The following MGAM2 variants were observed in gnomAD, a reference collection of about 807,000 sequenced individuals.
MGAM2 encodes the protein probable maltase-glucoamylase 2.
A neutral mutation model predicts 96.1 loss-of-function variants in MGAM2; 98 were observed. That is an observed-to-expected ratio of 1.02 (90% CI 0.87 to 1.21). The LOEUF is 1.21. Ranked by LOEUF, MGAM2 falls within the 50% of genes most tolerant of loss-of-function variation. The probability of loss-of-function intolerance (pLI) is 0.00; values close to 1 mark genes in which losing one functional copy is unlikely to be tolerated. For missense variants in MGAM2, 2,055 were observed against 1,182.4 expected (o/e 1.74, Z -10.82); for synonymous variants, 749 against 414.8 (o/e 1.81, Z -9.79).
At chr7:142,213,389 T>C (rs1235095003) in intron 46 of MGAM2, among the ~76,000 whole-genome samples, 3 of 152,092 alleles carry the variant, frequency 2.0e-5, no homozygotes, top group Admixed American at 1.3e-4. Flanking sequence ...CAGGAGCTGG[T>C]TTTTTGAAAT....
Position 142,221,356 on chromosome 7 carries a change from G to A in MGAM2, c.6845G>A (p.Ser2282Asn), listed in dbSNP as rs1563304421. The change falls in exon 48 of 48, where the codon AGT (serine) becomes AAT (asparagine). Residue 2282 changes from serine (S) to asparagine (N), a missense_variant. Physicochemically the swap from Ser to Asn is conservative, Grantham distance 46. Coordinates refer to ENST00000477922, the MANE Select transcript of MGAM2 (RefSeq NM_001293626.2). The stretch of plus-strand genomic sequence containing the variant: ...CCAAGTACTGATGCTACTACTACAA[G>A]TAATAATACTAATCCTGGCATGACT... Reference protein sequence around the residue: ...PSPSTDATTTSNNTNPGMTTY... With the variant: ...PSPSTDATTTNNNTNPGMTTY... 1.6e-6 allele frequency: 1 copy of A among 620,866 alleles called. No individual in the cohort carries two copies. Among genetic ancestry groups the A allele is most frequent in the Non-Finnish European group, 2.9e-6 (1 of 347,790 alleles). The allele number at this position is 620,866 out of a possible 1,614,324, so 38.5% of individuals were successfully genotyped here.
At chr7:142,201,886 A>T (rs1217331527) in intron 45 of MGAM2, among the ~76,000 whole-genome samples, 1 of 152,226 alleles carries the variant, frequency 6.6e-6, no homozygotes, top group Non-Finnish European at 1.5e-5. Context: ...TTAATGGTCA[A>T]AAAATGAAAC....
intron 1 of MGAM2, among the ~76,000 whole-genome samples, chr7:142,115,938 AGTG>A (rs1817381356): frequency 6.6e-6 from 1 of 152,240 alleles, no homozygotes; most frequent in South Asian, 2.1e-4. Context: ...CAATTTCAAA[AGTG>A]TAACAGTTCT....
intron 46 of MGAM2, among the ~76,000 whole-genome samples, chr7:142,216,925 G>A (rs997214917): frequency 1.3e-5 from 2 of 152,028 alleles, no homozygotes; most frequent in African/African-American, 4.8e-5. Context: ...CTGGCCTCAC[G>A]TCTCTGTTTG....
At position 142,142,198 on chromosome 7, in the gene MGAM2, A is replaced by G. The variant is rs182063333; in HGVS notation, c.1317+1079A>G. Among the ~76,000 whole-genome samples, 75 of 152,082 alleles carry G rather than the reference A, an allele frequency of 4.9e-4. No homozygotes were observed. In the East Asian group the frequency reaches 0.013, roughly 26 times the overall value. On this transcript the variant is annotated intron_variant, in intron 12 of 47. Transcript: ENST00000477922. ...TGATTCTAACTTTTCATGAAGCAGTAGGAAAGTTTTCTTCCTTCTGCACAC... is the reference window on the plus strand; with the variant it reads ...TGATTCTAACTTTTCATGAAGCAGTGGGAAAGTTTTCTTCCTTCTGCACAC...
At chr7:142,135,723 TACACACAC>T (rs144830276) in intron 7 of MGAM2, among the ~76,000 whole-genome samples, 3 of 145,114 alleles carry the variant, frequency 2.1e-5, no homozygotes, top group South Asian at 2.2e-4. Flanking sequence ...CACTTAGAGT[TACACACAC>T]ACACACACAC....
intron 45 of MGAM2, among the ~76,000 whole-genome samples, chr7:142,202,005 C>A (rs1477495747): frequency 2.0e-5 from 3 of 152,080 alleles, no homozygotes; most frequent in African/African-American, 7.2e-5. Flanking sequence ...CAATTAATTT[C>A]TTTTACATGC....
intron 32 of MGAM2, among the ~76,000 whole-genome samples, chr7:142,182,116 T>C (rs1172090739): frequency 1.3e-5 from 2 of 152,140 alleles, no homozygotes; most frequent in Non-Finnish European, 2.9e-5. Context: ...CTTCTCAGTG[T>C]TCTGAGAGTG....
chr7:142,189,269 AAGTTGT>A, intron 36 of MGAM2, 92 bp from the exon 37 acceptor site: 1 of 560,502 alleles, frequency 1.8e-6, no homozygotes, highest in South Asian at 2.3e-5. Context: ...ACTGGTAACA[AAGTTGT>A]TGATTGAAGT....
chr7:142,220,658 T>A lies in MGAM2; in HGVS notation c.6147T>A (p.Thr2049=). 1 of 702,406 alleles carries A rather than the reference T, an allele frequency of 1.4e-6. No homozygotes were observed. Among genetic ancestry groups the A allele is most frequent in the Non-Finnish European group, 2.6e-6 (1 of 384,878 alleles). The allele number at this position is 702,406 out of a possible 1,614,324, so 43.5% of individuals were successfully genotyped here. The change falls in exon 48 of 48, where the codon ACT becomes ACA. Residue 2049 remains threonine, a synonymous_variant. Transcript: ENST00000477922. ...PDTTAPFPTS[T]TSTSTSATVP... ...CAACTGCTCCTTTCCCTACAAGTAC[T>A]ACTAGTACTAGCACTAGTGCTACTG...
At position 142,159,452 on chromosome 7, in the gene MGAM2, TA is replaced by T. The variant is rs567966080; in HGVS notation, c.2220+110del. 3.5e-4 allele frequency: 223 copies of T among 638,252 alleles called. 2 individuals are homozygous for T. In the South Asian group the frequency reaches 3.7e-3, roughly 11 times the overall value. 39.5% of individuals were successfully genotyped at this position (638,252 alleles called of 1,614,324 possible). A position where few individuals can be genotyped will look rare whatever the true frequency, so the allele number is the denominator to read the frequency against. On this transcript the variant is annotated intron_variant, in intron 20 of 47. Transcript: ENST00000477922. ...AGAATAATAGTACAAGATTTATAGT[TA>T]GTTGATTGTGGTCCTTTTTCTGTGA...
chr7:142,187,586 A>G (rs1303339299), intron 35 of MGAM2, among the ~76,000 whole-genome samples, 164 bp from the exon 36 acceptor site: 2 of 152,146 alleles, frequency 1.3e-5, no homozygotes, highest in African/African-American at 4.8e-5. Flanking sequence ...TACACTACAC[A>G]TTTTTAGAGT....
chr7:142,216,129 C>T (rs1797753077), intron 46 of MGAM2, among the ~76,000 whole-genome samples: 1 of 152,110 alleles, frequency 6.6e-6, no homozygotes, highest in African/African-American at 2.4e-5. Context: ...TCATATTGTT[C>T]CATCCTGCAT....
intron 14 of MGAM2, 70 bp from the exon 15 acceptor site, chr7:142,147,386 A>G: frequency 1.5e-6 from 1 of 645,908 alleles, no homozygotes; most frequent in Non-Finnish European, 2.8e-6. Context: ...CAGGAAGAAA[A>G]TAGTTGGGCC....
chr7:142,183,521 A>G, intron 33 of MGAM2, 148 bp downstream of exon 33: 1 of 576,668 alleles, frequency 1.7e-6, no homozygotes, highest in Non-Finnish European at 3.1e-6. Flanking sequence ...CTCAATAAGC[A>G]TTAATAAGAC....
At chr7:142,201,198 G>T (rs1027260330) in intron 45 of MGAM2, among the ~76,000 whole-genome samples, 4 of 145,274 alleles carry the variant, frequency 2.8e-5, no homozygotes, top group African/African-American at 1.0e-4. Context: ...GCCTTCCCGA[G>T]TAGCTGGGAT....
intron 2 of MGAM2, 28 bp from the exon 3 acceptor site, chr7:142,120,274 T>G (rs1258191816): frequency 7.1e-6 from 5 of 702,096 alleles, no homozygotes; most frequent in African/African-American, 7.0e-5. Flanking sequence ...CTACACATTT[T>G]CAACTTTATC....
intron 15 of MGAM2, among the ~76,000 whole-genome samples, chr7:142,149,726 A>G (rs956883207): frequency 6.6e-6 from 1 of 151,478 alleles, no homozygotes; most frequent in South Asian, 2.1e-4. Context: ...ATTTTTTAGT[A>G]GAGACGGGGT....
intron 3 of MGAM2, among the ~76,000 whole-genome samples, chr7:142,123,231 GA>G (rs1381826342): frequency 6.6e-6 from 1 of 150,728 alleles, no homozygotes; most frequent in Non-Finnish European, 1.5e-5. Context: ...TTCATCTAGA[GA>G]TTTTTTTTTT....
Sources: gnomAD v4.1 joint callset for allele counts (sites outside exome capture counted in the v4.1 genomes callset) on GRCh38, gnomAD v4.1.1 for gene constraint, MANE v1.5 for transcripts, NCBI Gene and HGNC (gene_info 2026-07-23, HGNC 2026-07-21) for gene names.